The following B3GALT5 variants were observed in gnomAD, a reference collection of about 807,000 sequenced individuals.
B3GALT5 encodes the protein UDP-Gal:betaGlcNAc beta 1,3-galactosyltransferase, polypeptide 5.
For synonymous variants in B3GALT5, 156 were observed against 158.6 expected, an observed-to-expected ratio of 0.98 and a Z score of 0.12; for missense variants, 328 against 396.6, an observed-to-expected ratio of 0.83 and a Z score of 1.47.
chr21:39,625,309 G>A (rs1039282295), intron 1 of B3GALT5, among the ~76,000 whole-genome samples: 1 of 152,192 alleles, frequency 6.6e-6, no homozygotes, highest in Non-Finnish European at 1.5e-5. Flanking sequence ...TGTGTGATCA[G>A]TCGTTCTGAG....
chr21:39,624,580 G>A (rs943421159), intron 1 of B3GALT5, among the ~76,000 whole-genome samples: 1 of 152,168 alleles, frequency 6.6e-6, no homozygotes, highest in Non-Finnish European at 1.5e-5. Context: ...TGAAGGAATT[G>A]AGGAAATTGA....
intron 2 of B3GALT5, among the ~76,000 whole-genome samples, chr21:39,650,976 G>GA (rs5843972): frequency 0.33 from 49,551 of 149,234 alleles, 8,332 homozygotes; most frequent in Middle Eastern, 0.39. Context: ...CAACCATAAA[G>GA]AAAAAAAAAA....
At chr21:39,629,339 C>T (rs1234783970) in intron 1 of B3GALT5, among the ~76,000 whole-genome samples, 4 of 152,152 alleles carry the variant, frequency 2.6e-5, no homozygotes, top group African/African-American at 7.2e-5. Context: ...GTATTCTATA[C>T]GTGCCATTTC....
intron 1 of B3GALT5, among the ~76,000 whole-genome samples, chr21:39,645,933 C>T (rs1462396677): frequency 2.7e-5 from 4 of 150,898 alleles, no homozygotes; most frequent in South Asian, 2.1e-4. Flanking sequence ...ATGTTAGGCT[C>T]GGACACTGAT....
intron 1 of B3GALT5, among the ~76,000 whole-genome samples, chr21:39,642,667 C>G (rs2079299407): frequency 6.6e-6 from 1 of 152,160 alleles, no homozygotes; most frequent in African/African-American, 2.4e-5. Flanking sequence ...ACATTTTCCT[C>G]ACTTTTTAAA....
chr21:39,618,024 A>G (rs2079115869), intron 1 of B3GALT5, among the ~76,000 whole-genome samples: 2 of 152,056 alleles, frequency 1.3e-5, no homozygotes, highest in Admixed American at 1.3e-4. Context: ...GCGTGGTGGC[A>G]TGCACCTGTA....
intron 1 of B3GALT5, among the ~76,000 whole-genome samples, chr21:39,620,768 A>G (rs71316686): frequency 0.077 from 11,679 of 152,220 alleles, 523 homozygotes; most frequent in African/African-American, 0.13. Flanking sequence ...TTAGCAATTG[A>G]TTTTGCTTAT....
At chr21:39,613,200 T>G (rs1569203626) in intron 1 of B3GALT5, 133 bp downstream of exon 1, 1 of 152,040 alleles carries the variant, frequency 6.6e-6, no homozygotes, top group African/African-American at 2.4e-5. Flanking sequence ...AGGCGTGCTC[T>G]TCTGTTTTCT....
rs1026987085 is a variant in B3GALT5 at position 39,661,457 on chromosome 21, G to C, written c.898G>C (p.Glu300Gln). 2.0e-6 allele frequency: 3 copies of C among 1,515,458 alleles called. No homozygotes were observed. The Admixed American group carries it at 6.8e-5, about 34-fold the overall frequency. 93.9% of individuals were successfully genotyped at this position (1,515,458 alleles called of 1,614,324 possible). The change falls in exon 4 of 4, where the codon GAG becomes CAG. Residue 300 changes from glutamate (E) to glutamine (Q), a missense_variant. Physicochemically the swap from Glu to Gln is conservative, Grantham distance 29. Transcript: ENST00000684187. The surrounding 1 kb of genome is among the most constrained non-coding windows in gnomAD (Gnocchi z 4.7). ...RTLLDYWQAL[E>Q]NSRGEDCPPV is the part of the protein sequence containing the mutation. ...TCTCTTGGACTACTGGCAGGCTCTA[G>C]AGAATTCCCGGGGGGAAGATTGTCC... is the stretch of plus-strand genomic sequence containing the variant.
chr21:39,634,402 G>A (rs928675612), intron 1 of B3GALT5, among the ~76,000 whole-genome samples: 2 of 152,162 alleles, frequency 1.3e-5, no homozygotes, highest in Non-Finnish European at 2.9e-5. Flanking sequence ...GGTGAGGTGG[G>A]TGGGGAAAAT....
At chr21:39,652,330 C>T (rs947638742) in intron 2 of B3GALT5, among the ~76,000 whole-genome samples, 17 of 152,248 alleles carry the variant, frequency 1.1e-4, no homozygotes, top group South Asian at 2.1e-4. Flanking sequence ...GGCAGAACGC[C>T]TCTGGCAAGG....
In B3GALT5 at chr21:39,661,509, C is replaced by T; in HGVS notation, c.*17C>T. 1 of 1,493,044 alleles carries T rather than the reference C, an allele frequency of 6.7e-7. No individual in the cohort carries two copies. The allele number at this position is 1,493,044 out of a possible 1,614,324, so 92.5% of individuals were successfully genotyped here. ...CCTGTCTGAGGGGAGCCCAGAGGCA[C>T]ATCCGGACAAGTTTCAGATAACCCG... On this transcript the variant is annotated 3_prime_UTR_variant, in exon 4 of 4. Coordinates refer to ENST00000684187, the MANE Select transcript of B3GALT5 (RefSeq NM_001356336.2). This position sits in a 1 kb window ranked among gnomAD's most constrained non-coding sequence, Gnocchi z 4.7.
chr21:39,652,235 C>T (rs1030268038), intron 2 of B3GALT5, among the ~76,000 whole-genome samples: 5 of 152,216 alleles, frequency 3.3e-5, no homozygotes, highest in South Asian at 4.1e-4. Flanking sequence ...TCAGCACCTT[C>T]GACCACACTT....
chr21:39,650,975 A>AC (rs2079389763), intron 2 of B3GALT5, among the ~76,000 whole-genome samples: 1 of 132,066 alleles, frequency 7.6e-6, no homozygotes, highest in African/African-American at 2.7e-5. Context: ...ACAACCATAA[A>AC]GAAAAAAAAA....
chr21:39,624,217 A>C (rs1216797295), intron 1 of B3GALT5, among the ~76,000 whole-genome samples: 1 of 152,234 alleles, frequency 6.6e-6, no homozygotes, highest in Middle Eastern at 3.4e-3. Flanking sequence ...CCTTTTCTGC[A>C]TTCGCTCCCC....
chr21:39,645,229 A>T (rs145670993), intron 1 of B3GALT5, among the ~76,000 whole-genome samples: 1 of 152,278 alleles, frequency 6.6e-6, no homozygotes, highest in Non-Finnish European at 1.5e-5. Context: ...ATAAAGGCAC[A>T]GTTGCCCTCT....
intron 2 of B3GALT5, among the ~76,000 whole-genome samples, chr21:39,658,399 T>C (rs1300941276): frequency 1.3e-5 from 2 of 151,940 alleles, no homozygotes; most frequent in Non-Finnish European, 2.9e-5. Context: ...GAATTTAAGG[T>C]TTACTGTTAA....
chr21:39,626,694 G>T (rs1343573109), intron 1 of B3GALT5, among the ~76,000 whole-genome samples: 1 of 152,126 alleles, frequency 6.6e-6, no homozygotes, highest in Non-Finnish European at 1.5e-5. Context: ...AGTGGTTGGT[G>T]ATGTTGAGCA....
intron 1 of B3GALT5, among the ~76,000 whole-genome samples, chr21:39,629,739 C>T (rs1329512857): frequency 6.6e-6 from 1 of 152,106 alleles, no homozygotes; most frequent in Non-Finnish European, 1.5e-5. Context: ...CCTTTGACCT[C>T]ATAGTTAATT....
Sources: allele counts gnomAD v4.1 joint callset (sites outside exome capture counted in the v4.1 genomes callset), GRCh38; gene constraint gnomAD v4.1.1; non-coding constraint Gnocchi (gnomAD v3.1); transcripts MANE v1.5; gene names NCBI Gene and HGNC (gene_info 2026-07-23, HGNC 2026-07-21).